ANKRD16: variants seen among roughly 807,000 people sequenced by gnomAD.
ANKRD16 encodes the protein ankyrin repeat domain 16.
In ANKRD16, 35 loss-of-function variants were observed where a neutral mutation model predicts 37.9. The ratio of observed to expected loss-of-function variants is 0.92; its 90% confidence interval spans 0.71 to 1.23. ANKRD16 has a LOEUF of 1.23. Ranked by LOEUF, ANKRD16 falls within the 50% of genes most tolerant of loss-of-function variation. The pLI is 0.00. For missense variants in ANKRD16, 480 were observed against 469.9 expected (o/e 1.02, Z -0.20); for synonymous variants, 206 against 197.2 (o/e 1.04, Z -0.37).
At chr10:5,883,593 C>T (rs1842357415) in intron 4 of ANKRD16, among the ~76,000 whole-genome samples, 1 of 152,196 alleles carries the variant, frequency 6.6e-6, no homozygotes, top group Non-Finnish European at 1.5e-5. Flanking sequence ...TCACGCCCTG[C>T]TCTCAAAAAA....
chr10:5,880,836 T>G (rs975468081), intron 5 of ANKRD16, among the ~76,000 whole-genome samples: 4 of 152,188 alleles, frequency 2.6e-5, no homozygotes, highest in African/African-American at 9.7e-5. Context: ...TTTGGCAGAG[T>G]GAGTTGGGGG....
rs1842476100 is a variant in ANKRD16, at chr10:5,888,084, G to A, written c.315-17C>T. 6.2e-7 allele frequency: 1 copy of A among 1,610,720 alleles called. No individual in the cohort carries two copies. The highest frequency in any genetic ancestry group is 8.5e-7 in the Non-Finnish European group (1 of 1,177,416). On this transcript the variant is annotated splice_polypyrimidine_tract_variant and intron_variant, in intron 1 of 7. Transcript: ENST00000380094. ...AGAGGAGTCCTAAGGCCAACCAGGA[G>A]AAGCTGTCAGATGGAGGCAGCTGAG... is the stretch of plus-strand genomic sequence containing the variant.
rs1160689929 is a variant in ANKRD16, at chr10:5,866,581, G to C, written c.*34-3890C>G. On this transcript the variant is annotated intron_variant, in intron 7 of 7. Coordinates refer to ENST00000380094, the MANE Select transcript of ANKRD16 (RefSeq NM_019046.3). The surrounding 1 kb of genome is among the most constrained non-coding windows in gnomAD (Gnocchi z 4.3). ...CCCATGCTGCAATATGGAAAGAAAG[G>C]GGGTTCCTAACCTCTGGGGAACCAC... Among the ~76,000 whole-genome samples, 1 of 152,230 alleles carries C rather than the reference G, an allele frequency of 6.6e-6. No individual in the cohort carries two copies. Among genetic ancestry groups the C allele is most frequent in the Non-Finnish European group, 1.5e-5 (1 of 68,048 alleles).
intron 5 of ANKRD16, among the ~76,000 whole-genome samples, 175 bp from the exon 6 acceptor site, chr10:5,880,551 T>C (rs1394973994): frequency 6.6e-6 from 1 of 151,944 alleles, no homozygotes; most frequent in Non-Finnish European, 1.5e-5. Flanking sequence ...AGGGCTTCAA[T>C]ATTTAAAGGG....
In ANKRD16 at chr10:5,880,461, A is replaced by G. The variant is rs146132104; in HGVS notation, c.850-85T>C. On this transcript the variant is annotated intron_variant, in intron 5 of 7. Coordinates refer to ENST00000380094, the MANE Select transcript of ANKRD16 (RefSeq NM_019046.3). Reference sequence around the variant, plus strand: ...CAAAAAGTATCTGAGACAGGTCTCAATCAATTTAGAAGTTTATTTTGCCAA... The same window carrying G: ...CAAAAAGTATCTGAGACAGGTCTCAGTCAATTTAGAAGTTTATTTTGCCAA... The G allele has an allele frequency of 2.5e-4, 187 of 736,830 alleles. 4 individuals carry two copies. In the East Asian group the frequency reaches 5.5e-3, roughly 21 times the overall value. 45.6% of individuals were successfully genotyped at this position (736,830 alleles called of 1,614,324 possible). A position where few individuals can be genotyped will look rare whatever the true frequency, so the allele number is the denominator to read the frequency against.
Position 5,883,959 on chromosome 10 carries a change from A to C in ANKRD16, c.687+10T>G, listed in dbSNP as rs1224867022. The stretch of plus-strand genomic sequence containing the variant: ...GAACCAAAAGAATAAAAACACAACC[A>C]TTTTTATACCCCATGTTCATCGAGG... On this transcript the variant is annotated intron_variant, in intron 4 of 7. Coordinates refer to ENST00000380094, the MANE Select transcript of ANKRD16 (RefSeq NM_019046.3). 1 of 1,610,848 alleles carries C rather than the reference A, an allele frequency of 6.2e-7. No individual in the cohort carries two copies. Among genetic ancestry groups the C allele is most frequent in the Admixed American group, 1.7e-5 (1 of 59,840 alleles).
chr10:5,882,445 G>T (rs1842331707), intron 5 of ANKRD16, among the ~76,000 whole-genome samples: 1 of 138,848 alleles, frequency 7.2e-6, no homozygotes, highest in Non-Finnish European at 1.6e-5. Context: ...AAAAAAGCAA[G>T]ACTTTATCTC....
rs567632056 is a variant in ANKRD16 at position 5,870,325 on chromosome 10, T to G, written c.*34-7634A>C. The stretch of plus-strand genomic sequence containing the variant: ...AGGGGCCCCCAGTGCACCCGCACAG[T>G]GAGGTCAGCGTTGGCTCTTGGCCTC... On this transcript the variant is annotated intron_variant, in intron 7 of 7. Coordinates refer to ENST00000380094, the MANE Select transcript of ANKRD16 (RefSeq NM_019046.3). This position sits in a 1 kb window ranked among gnomAD's most constrained non-coding sequence, Gnocchi z 5.0. 2.6e-3 allele frequency among the ~76,000 whole-genome samples: 389 copies of G among 151,746 alleles called. No individual in the cohort carries two copies. Among genetic ancestry groups the G allele is most frequent in the Non-Finnish European group, 3.6e-3 (243 of 67,962 alleles).
At chr10:5,885,347 A>C (rs1564419392) in intron 3 of ANKRD16, among the ~76,000 whole-genome samples, 3 of 151,664 alleles carry the variant, frequency 2.0e-5, no homozygotes, top group African/African-American at 7.3e-5. Flanking sequence ...CGCCCGGCTA[A>C]TTTTTTTTGA....
rs1475601110 is a variant in ANKRD16 at position 5,864,026 on chromosome 10, C to T, written c.*34-1335G>A. ...GGCTCATTTTTTTCTGCACTACAGCCTGGCCCCAATATTCTCTCTCTGATG... is the reference window on the plus strand; with the variant it reads ...GGCTCATTTTTTTCTGCACTACAGCTTGGCCCCAATATTCTCTCTCTGATG... On this transcript the variant is annotated intron_variant, in intron 7 of 7. Coordinates refer to ENST00000380094, the MANE Select transcript of ANKRD16 (RefSeq NM_019046.3). This position sits in a 1 kb window ranked among gnomAD's most constrained non-coding sequence, Gnocchi z 4.4. Among the ~76,000 whole-genome samples, 1 of 152,036 alleles carries T rather than the reference C, an allele frequency of 6.6e-6. No homozygotes were observed. Among genetic ancestry groups the T allele is most frequent in the Non-Finnish European group, 1.5e-5 (1 of 68,020 alleles).
rs1273038718 is a variant in ANKRD16 at position 5,871,386 on chromosome 10, C to CAAACAAAT, written c.*33+6710_*33+6711insATTTGTTT. ...TGGGCGACAGAGCTAGACTCCAACT[C>CAAACAAAT]AAATAAATAAATAAATAAATAAATA... On this transcript the variant is annotated intron_variant, in intron 7 of 7. Transcript: ENST00000380094. The surrounding 1 kb of genome is among the most constrained non-coding windows in gnomAD (Gnocchi z 4.5). Among the ~76,000 whole-genome samples, 1 of 147,766 alleles carries CAAACAAAT rather than the reference C, an allele frequency of 6.8e-6. No homozygotes were observed. Among genetic ancestry groups the CAAACAAAT allele is most frequent in the African/African-American group, 2.5e-5 (1 of 39,754 alleles).
At chr10:5,875,968 C>A (rs996654334) in intron 7 of ANKRD16, among the ~76,000 whole-genome samples, 30 of 152,174 alleles carry the variant, frequency 2.0e-4, no homozygotes, top group African/African-American at 7.2e-4. Flanking sequence ...ACTGCAACCT[C>A]CGCCTCCGGA....
chr10:5,887,176 T>C (rs1359336380), intron 2 of ANKRD16, among the ~76,000 whole-genome samples: 1 of 152,196 alleles, frequency 6.6e-6, no homozygotes, highest in Non-Finnish European at 1.5e-5. Flanking sequence ...TATTATTTGG[T>C]TGATGAGGAA....
At chr10:5,879,680 G>A (rs1404023464) in intron 6 of ANKRD16, among the ~76,000 whole-genome samples, 2 of 152,228 alleles carry the variant, frequency 1.3e-5, no homozygotes, top group Middle Eastern at 3.4e-3. Flanking sequence ...TGGCTAGCAG[G>A]TGTCATCATG....
In ANKRD16 at chr10:5,863,028, G is replaced by A. The variant is rs957955335; in HGVS notation, c.*34-337C>T. 1.2e-4 allele frequency among the ~76,000 whole-genome samples: 18 copies of A among 152,268 alleles called. 2 individuals are homozygous for A. The highest frequency in any genetic ancestry group is 5.2e-4 in the Admixed American group (8 of 15,292). ...TACTGTCCCGGAGCAGCTGACTGTG[G>A]TGGAGAAAACTGCAGGACAGGGACC... is the stretch of plus-strand genomic sequence containing the variant. On this transcript the variant is annotated intron_variant, in intron 7 of 7. Coordinates refer to ENST00000380094, the MANE Select transcript of ANKRD16 (RefSeq NM_019046.3). This position sits in a 1 kb window ranked among gnomAD's most constrained non-coding sequence, Gnocchi z 4.7.
intron 7 of ANKRD16, among the ~76,000 whole-genome samples, chr10:5,873,763 G>A (rs1438514999): frequency 2.0e-5 from 3 of 151,918 alleles, no homozygotes; most frequent in Non-Finnish European, 4.4e-5. Context: ...TTGCCATCTC[G>A]TTTCCATTTT....
chr10:5,875,973 T>G (rs1476261003), intron 7 of ANKRD16, among the ~76,000 whole-genome samples: 1 of 152,140 alleles, frequency 6.6e-6, no homozygotes, highest in African/African-American at 2.4e-5. Flanking sequence ...AACCTCCGCC[T>G]CCGGAGTTAA....
chr10:5,881,132 T>C (rs1259518082), intron 5 of ANKRD16: 3 of 901,422 alleles, frequency 3.3e-6, no homozygotes, highest in East Asian at 1.2e-4. Context: ...TATTGTATCA[T>C]TCTCAATTCT....
rs577399740 is a variant in ANKRD16, at chr10:5,882,992, A to G, written c.849+14T>C. 1.7e-4 allele frequency: 277 copies of G among 1,611,516 alleles called. 3 individuals are homozygous for G. In the South Asian group the frequency reaches 2.9e-3, roughly 17 times the overall value. ...CTCAGGGAAGCTCGGACAACGTTAT[A>G]AGAAGTAACAAACCTTAGCTGCATA... On this transcript the variant is annotated intron_variant, in intron 5 of 7. Coordinates refer to ENST00000380094, the MANE Select transcript of ANKRD16 (RefSeq NM_019046.3).
Sources: gnomAD v4.1 joint callset for allele counts (sites outside exome capture counted in the v4.1 genomes callset) on GRCh38, gnomAD v4.1.1 for gene constraint, Gnocchi (gnomAD v3.1) non-coding constraint, MANE v1.5 for transcripts, NCBI Gene and HGNC (gene_info 2026-07-23, HGNC 2026-07-21) for gene names.